The following CADM2 variants were observed in gnomAD, a reference collection of about 807,000 sequenced individuals.
The protein encoded by CADM2 is cell adhesion molecule 2.
A neutral mutation model predicts 49.8 loss-of-function variants in CADM2; 12 were observed. The observed-to-expected ratio is 0.24, with a 90% confidence interval of 0.15 to 0.39. The LOEUF (loss-of-function observed/expected upper bound fraction) is 0.39. CADM2 is among the 10% of genes least tolerant of loss of function. The pLI is 1.00. For missense variants in CADM2, 378 were observed against 492.3 expected, an observed-to-expected ratio of 0.77 and a Z score of 2.20; for synonymous variants, 214 against 175.4, an observed-to-expected ratio of 1.22 and a Z score of -1.74.
chr3:85,478,589 C>T (rs2039078856), intron 1 of CADM2, among the ~76,000 whole-genome samples: 1 of 146,590 alleles, frequency 6.8e-6, no homozygotes, highest in African/African-American at 2.4e-5. Flanking sequence ...TATCCATTTC[C>T]TAAGGTAAGA....
At chr3:85,121,227 A>G (rs2038852087) in intron 1 of CADM2, among the ~76,000 whole-genome samples, 1 of 152,106 alleles carries the variant, frequency 6.6e-6, no homozygotes, top group Non-Finnish European at 1.5e-5. Flanking sequence ...ATTACAAAAC[A>G]CTCACTGTCA....
chr3:85,677,366 G>A (rs2065914485), intron 1 of CADM2, among the ~76,000 whole-genome samples: 1 of 152,128 alleles, frequency 6.6e-6, no homozygotes, highest in South Asian at 2.1e-4. Flanking sequence ...CAAACCTCCA[G>A]ATGCAATGAA....
intron 1 of CADM2, among the ~76,000 whole-genome samples, chr3:85,083,658 G>T (rs1466595490): frequency 6.6e-6 from 1 of 152,012 alleles, no homozygotes; most frequent in Non-Finnish European, 1.5e-5. Flanking sequence ...AGAACTAAAA[G>T]CCACAATAAT....
intron 3 of CADM2, among the ~76,000 whole-genome samples, chr3:85,836,081 A>G (rs764390116): frequency 2.6e-5 from 4 of 151,558 alleles, no homozygotes; most frequent in Non-Finnish European, 5.9e-5. Context: ...GAGCTGCCAA[A>G]TGGAATAAAA....
intron 8 of CADM2, among the ~76,000 whole-genome samples, chr3:85,979,505 A>G (rs149743218): frequency 6.6e-6 from 1 of 151,800 alleles, no homozygotes; most frequent in Non-Finnish European, 1.5e-5. Context: ...AAAATCTTGC[A>G]GAATATAGAT....
intron 8 of CADM2, among the ~76,000 whole-genome samples, chr3:85,975,961 G>T (rs957524682): frequency 4.6e-5 from 7 of 151,096 alleles, no homozygotes; most frequent in Admixed American, 1.3e-4. Flanking sequence ...ACCATATAAG[G>T]CATATATTAA....
intron 1 of CADM2, among the ~76,000 whole-genome samples, chr3:85,090,918 G>A (rs1443822437): frequency 1.3e-5 from 2 of 152,126 alleles, no homozygotes; most frequent in African/African-American, 4.8e-5. Context: ...TATCTTCCAC[G>A]AAACTGGTTC....
At chr3:85,407,458 G>A (rs1004317622) in intron 1 of CADM2, among the ~76,000 whole-genome samples, 2 of 151,900 alleles carry the variant, frequency 1.3e-5, no homozygotes, top group African/African-American at 4.8e-5. Flanking sequence ...CTACCATTTT[G>A]AAATATCCCC....
At chr3:85,615,020 C>T (rs1227861415) in intron 1 of CADM2, among the ~76,000 whole-genome samples, 1 of 151,964 alleles carries the variant, frequency 6.6e-6, no homozygotes, top group Non-Finnish European at 1.5e-5. Flanking sequence ...CATTGCTTTA[C>T]CCACTCACTG....
intron 1 of CADM2, among the ~76,000 whole-genome samples, chr3:85,491,742 G>C (rs2039682520): frequency 6.6e-6 from 1 of 151,984 alleles, no homozygotes; most frequent in South Asian, 2.1e-4. Context: ...ACGAGGTCAG[G>C]AGATCGAGAC....
intron 8 of CADM2, among the ~76,000 whole-genome samples, chr3:85,999,486 C>T (rs1016581235): frequency 8.8e-5 from 13 of 147,160 alleles, no homozygotes; most frequent in Non-Finnish European, 1.9e-4. Context: ...GCCTGAGTGA[C>T]CAAGCTAGAC....
At chr3:85,795,347 AT>A (rs955910952) in intron 2 of CADM2, among the ~76,000 whole-genome samples, 4 of 152,158 alleles carry the variant, frequency 2.6e-5, no homozygotes, top group African/African-American at 9.7e-5. Flanking sequence ...ACTTTTGACT[AT>A]CTACAACAAA....
chr3:85,381,752 G>A (rs1197940573), intron 1 of CADM2, among the ~76,000 whole-genome samples: 1 of 152,020 alleles, frequency 6.6e-6, no homozygotes, highest in African/African-American at 2.4e-5. Context: ...TCACCAGCCT[G>A]AGCAGGGCTG....
At chr3:85,510,060 T>C (rs1576684006) in intron 1 of CADM2, among the ~76,000 whole-genome samples, 1 of 151,744 alleles carries the variant, frequency 6.6e-6, no homozygotes, top group Non-Finnish European at 1.5e-5. Context: ...ATCTCAAATA[T>C]GTATAATGGA....
chr3:85,780,996 C>G (rs781602290), intron 2 of CADM2, among the ~76,000 whole-genome samples: 10 of 152,098 alleles, frequency 6.6e-5, no homozygotes, highest in Admixed American at 1.3e-4. Context: ...CACCTGTCAC[C>G]CCAGCTGACG....
intron 1 of CADM2, among the ~76,000 whole-genome samples, chr3:85,149,434 T>C (rs2039852172): frequency 6.6e-6 from 1 of 152,080 alleles, no homozygotes; most frequent in Non-Finnish European, 1.5e-5. Context: ...CATATACAAA[T>C]TAATAAATTG....
At chr3:86,015,221 A>C in intron 8 of CADM2, 1 of 288,846 alleles carries the variant, frequency 3.5e-6, no homozygotes, top group Non-Finnish European at 6.4e-6. Context: ...TGCCTATAGA[A>C]CTCCATTGAA....
intron 1 of CADM2, among the ~76,000 whole-genome samples, chr3:85,114,508 T>G (rs2038572054): frequency 6.6e-6 from 1 of 152,190 alleles, no homozygotes; most frequent in Non-Finnish European, 1.5e-5. Flanking sequence ...GAACAGTAAT[T>G]AACATGCCCA....
chr3:85,910,729 C>G (rs1717471085), intron 5 of CADM2, among the ~76,000 whole-genome samples: 1 of 151,994 alleles, frequency 6.6e-6, no homozygotes, highest in South Asian at 2.1e-4. Context: ...ATACATAAAA[C>G]ATTTTGTGGT....
Sources: gnomAD v4.1 joint callset for allele counts (sites outside exome capture counted in the v4.1 genomes callset) on GRCh38, gnomAD v4.1.1 for gene constraint, MANE v1.5 for transcripts, NCBI Gene and HGNC (gene_info 2026-07-23, HGNC 2026-07-21) for gene names.